The following KANSL1L variants were observed in gnomAD, a reference collection of about 807,000 sequenced individuals.
The protein encoded by KANSL1L is KAT8 regulatory NSL complex subunit 1 like.
KANSL1L carries 25 observed loss-of-function variants against 108.6 expected under a neutral mutation model. The ratio of observed to expected loss-of-function variants is 0.23; its 90% CI spans 0.17 to 0.32. The LOEUF is 0.32. Ranked by LOEUF, KANSL1L falls within the 10% of genes least tolerant of loss-of-function variation. The probability of loss-of-function intolerance (pLI) is 1.00; values close to 1 mark genes in which losing one functional copy is unlikely to be tolerated. For missense variants in KANSL1L, 1,137 were observed against 1,125.7 expected, an observed-to-expected ratio of 1.01 and a Z score of -0.14; for synonymous variants, 405 against 395.1, an observed-to-expected ratio of 1.03 and a Z score of -0.30.
chr2:210,053,615 A>G (rs2094316951), intron 6 of KANSL1L, among the ~76,000 whole-genome samples: 1 of 152,196 alleles, frequency 6.6e-6, no homozygotes, highest in African/African-American at 2.4e-5. Context: ...AAACAGAAAA[A>G]AAATACAAGA....
Position 210,044,606 on chromosome 2 carries a change from G to T in KANSL1L, c.1756-502C>A, listed in dbSNP as rs1451904582. Among the ~76,000 whole-genome samples the T allele has an allele frequency of 2.0e-5, 3 of 150,826 alleles. No homozygotes were observed. The highest frequency in any genetic ancestry group is 7.3e-5 in the African/African-American group (3 of 40,994). On this transcript the variant is annotated intron_variant, in intron 6 of 14. Coordinates refer to ENST00000281772, the MANE Select transcript of KANSL1L (RefSeq NM_152519.4). This position sits in a 1 kb window ranked among gnomAD's most constrained non-coding sequence, Gnocchi z 4.2. Reference sequence around the variant, plus strand: ...CAGGGTTTGTTTTTTTTTGGGGGGGGTATGGTTCTTTATCAGAATATATTC... The same window carrying T: ...CAGGGTTTGTTTTTTTTTGGGGGGGTTATGGTTCTTTATCAGAATATATTC...
Position 210,124,559 on chromosome 2 carries a change from C to T in KANSL1L, c.1230+4472G>A, listed in dbSNP as rs146635184. Among the ~76,000 whole-genome samples the T allele has an allele frequency of 1.8e-3, 269 of 150,726 alleles. 2 individuals are homozygous for T. Among genetic ancestry groups the T allele is most frequent in the Non-Finnish European group, 2.4e-3 (162 of 67,678 alleles). ...CATTTAAAAAAAACAAAAAAGATCT[C>T]GAAATAACAACCTAATTTTACAAAT... On this transcript the variant is annotated intron_variant, in intron 3 of 14. Coordinates refer to ENST00000281772, the MANE Select transcript of KANSL1L (RefSeq NM_152519.4).
chr2:210,158,395 G>A (rs1025510153), intron 1 of KANSL1L, among the ~76,000 whole-genome samples: 7 of 152,158 alleles, frequency 4.6e-5, no homozygotes, highest in Non-Finnish European at 1.0e-4. Flanking sequence ...ATCCTTCCCA[G>A]TAATGCCTTT....
At chr2:210,094,018 T>C (rs1228398713) in intron 5 of KANSL1L, among the ~76,000 whole-genome samples, 1 of 152,130 alleles carries the variant, frequency 6.6e-6, no homozygotes. Flanking sequence ...GTCAAATTCA[T>C]ATAGAAGGTA....
At chr2:210,112,566 C>A (rs989291121) in intron 3 of KANSL1L, among the ~76,000 whole-genome samples, 9 of 152,108 alleles carry the variant, frequency 5.9e-5, no homozygotes, top group African/African-American at 2.2e-4. Flanking sequence ...GTTTAAGTGT[C>A]CAGAGACCCA....
intron 5 of KANSL1L, among the ~76,000 whole-genome samples, chr2:210,092,935 T>G (rs1006819738): frequency 6.6e-6 from 1 of 152,162 alleles, no homozygotes. Context: ...TTTGTTTTTT[T>G]TTTTTAATCT....
intron 3 of KANSL1L, among the ~76,000 whole-genome samples, chr2:210,108,175 TTTGA>T (rs1256714303): frequency 2.0e-5 from 3 of 152,186 alleles, no homozygotes; most frequent in South Asian, 2.1e-4. Context: ...AACTAAACAC[TTTGA>T]TTAATTCCTA....
At chr2:210,038,588 ATTCTT>A (rs975411959) in intron 8 of KANSL1L, among the ~76,000 whole-genome samples, 2 of 151,940 alleles carry the variant, frequency 1.3e-5, no homozygotes, top group Non-Finnish European at 2.9e-5. Context: ...TTTTCTTGTT[ATTCTT>A]TTAAGACATT....
chr2:210,129,117 A>C lies in KANSL1L; in HGVS notation c.1144T>G (p.Trp382Gly), dbSNP rs201168986. The change falls in exon 3 of 15, where the codon TGG (tryptophan) becomes GGG (glycine). Residue 382 changes from tryptophan (W) to glycine (G), a missense_variant. By Grantham distance (184) the Trp-to-Gly change is radical. This residue lies in a region of KANSL1L where 556 missense variants were observed against 537.7 expected (regional missense o/e 1.03). Coordinates refer to ENST00000281772, the MANE Select transcript of KANSL1L (RefSeq NM_152519.4). ...LVDRARVGSR[W>G]TWLQAQISDL... is the part of the protein sequence containing the mutation. ...GAAATCTGAGCTTGAAGCCAAGTCC[A>C]TCGGCTGCCAACTCGTGCTCTGTCT... is the stretch of plus-strand genomic sequence containing the variant. 1 of 1,613,820 alleles carries C rather than the reference A, an allele frequency of 6.2e-7. No individual in the cohort carries two copies. Among genetic ancestry groups the C allele is most frequent in the East Asian group, 2.2e-5 (1 of 44,870 alleles).
At chr2:210,096,379 G>A in intron 5 of KANSL1L, 1 of 419,432 alleles carries the variant, frequency 2.4e-6, no homozygotes, top group African/African-American at 2.2e-5. Flanking sequence ...ATTCACAAGT[G>A]AAGACTTCTG....
intron 3 of KANSL1L, among the ~76,000 whole-genome samples, chr2:210,118,612 C>A (rs2094981543): frequency 6.6e-6 from 1 of 151,832 alleles, no homozygotes; most frequent in Non-Finnish European, 1.5e-5. Flanking sequence ...TTTGGAAGGC[C>A]AGGGCAGGCA....
At chr2:210,030,266 C>T (rs1030183444) in intron 9 of KANSL1L, among the ~76,000 whole-genome samples, 1 of 151,894 alleles carries the variant, frequency 6.6e-6, no homozygotes, top group African/African-American at 2.4e-5. Flanking sequence ...TTTTTCATAT[C>T]TGACTTTTTA....
intron 6 of KANSL1L, among the ~76,000 whole-genome samples, chr2:210,070,917 T>G (rs1365638718): frequency 6.6e-6 from 1 of 152,140 alleles, no homozygotes; most frequent in Non-Finnish European, 1.5e-5. Flanking sequence ...CCCAGCACTT[T>G]GGGAGGCTGA....
rs62201605 is a variant in KANSL1L at position 210,031,700 on chromosome 2, A to G, written c.2030-154T>C. ...CCAAGACACACAACTCCAACTAAAA[A>G]CATCCCCAGGAATTTCCAGTTTCTT... On this transcript the variant is annotated intron_variant, in intron 8 of 14. Coordinates refer to ENST00000281772, the MANE Select transcript of KANSL1L (RefSeq NM_152519.4). Among the ~76,000 whole-genome samples, 957 of 152,370 alleles carry G rather than the reference A, an allele frequency of 6.3e-3. 3 individuals carry two copies. The highest frequency in any genetic ancestry group is 0.011 in the Non-Finnish European group (718 of 68,030).
intron 3 of KANSL1L, among the ~76,000 whole-genome samples, chr2:210,125,644 G>A (rs1486796535): frequency 6.6e-6 from 1 of 152,144 alleles, no homozygotes; most frequent in African/African-American, 2.4e-5. Flanking sequence ...TATTCCAAGT[G>A]AGATTTATTC....
intron 3 of KANSL1L, among the ~76,000 whole-genome samples, chr2:210,116,374 C>T (rs1202439714): frequency 6.6e-6 from 1 of 152,198 alleles, no homozygotes; most frequent in Non-Finnish European, 1.5e-5. Flanking sequence ...GATTTGCCAC[C>T]TGCTGATGAT....
intron 3 of KANSL1L, 106 bp downstream of exon 3, chr2:210,128,925 C>A: frequency 1.1e-6 from 1 of 908,782 alleles, no homozygotes; most frequent in Non-Finnish European, 1.6e-6. Context: ...CATAAACTGG[C>A]TACATTTTTA....
Position 210,154,123 on chromosome 2 carries a change from C to A in KANSL1L, c.460G>T (p.Asp154Tyr). Residue 154 changes from aspartate (D) to tyrosine (Y), a missense_variant, in exon 2 of 15, where the codon GAT becomes TAT. Asp to Tyr is a radical substitution (Grantham distance 160, BLOSUM62 -3). Transcript: ENST00000281772. Reference sequence around the variant, plus strand: ...TTAGTGTCTTTGGTTATATTTGAATCCAGAATAATTTGTACATCTTTCATG... The same window carrying A: ...TTAGTGTCTTTGGTTATATTTGAATACAGAATAATTTGTACATCTTTCATG... ...QCMKDVQIILDSNITKDTNVD... is the reference protein window; with the variant it reads ...QCMKDVQIILYSNITKDTNVD... The A allele has an allele frequency of 6.8e-6, 11 of 1,613,950 alleles. No individual in the cohort carries two copies. The highest frequency in any genetic ancestry group is 9.3e-6 in the Non-Finnish European group (11 of 1,179,940).
At chr2:210,113,664 TA>T (rs1297153090) in intron 3 of KANSL1L, among the ~76,000 whole-genome samples, 1 of 151,798 alleles carries the variant, frequency 6.6e-6, no homozygotes, top group African/African-American at 2.4e-5. Context: ...CACAAAAGGC[TA>T]AAAAAATGAT....
Sources: allele counts gnomAD v4.1 joint callset (sites outside exome capture counted in the v4.1 genomes callset), GRCh38; gene constraint gnomAD v4.1.1; regional missense constraint gnomAD v4.1.1; non-coding constraint Gnocchi (gnomAD v3.1); transcripts MANE v1.5; gene names NCBI Gene and HGNC (gene_info 2026-07-23, HGNC 2026-07-21).